The following RBFOX1 variants were observed in gnomAD, a reference collection of about 807,000 sequenced individuals.
RBFOX1 encodes RNA binding protein fox-1 homolog 1.
RBFOX1 carries 8 observed loss-of-function variants against 57.7 expected under a neutral mutation model. The ratio of observed to expected loss-of-function variants is 0.14; its 90% CI spans 0.08 to 0.25. The LOEUF (loss-of-function observed/expected upper bound fraction) is 0.25, where lower values mean the gene tolerates loss of function less well. RBFOX1 is among the 10% of genes least tolerant of loss of function. RBFOX1 has a pLI of 1.00. For synonymous variants in RBFOX1, 326 were observed against 222.4 expected (o/e 1.47, Z -4.15); for missense variants, 611 against 548.5 (o/e 1.11, Z -1.14).
intron 4 of RBFOX1, among the ~76,000 whole-genome samples, chr16:7,471,347 A>C (rs2061519843): frequency 6.6e-6 from 1 of 152,144 alleles, no homozygotes; most frequent in African/African-American, 2.4e-5. Flanking sequence ...TTTGAAGGAA[A>C]ACTGCTGGGC....
At chr16:6,683,368 T>C (rs546232441) in intron 3 of RBFOX1, among the ~76,000 whole-genome samples, 14 of 152,270 alleles carry the variant, frequency 9.2e-5, no homozygotes, top group African/African-American at 3.1e-4. Context: ...GTGTGATTCA[T>C]GGAATTGTGG....
At chr16:7,032,539 G>C (rs1402402375) in intron 3 of RBFOX1, among the ~76,000 whole-genome samples, 1 of 152,100 alleles carries the variant, frequency 6.6e-6, no homozygotes, top group African/African-American at 2.4e-5. Context: ...TTACAGATCA[G>C]CTAAATCTTA....
chr16:5,632,929 C>G (rs954462104), intron 3 of RBFOX1, among the ~76,000 whole-genome samples: 1 of 139,786 alleles, frequency 7.2e-6, no homozygotes, highest in East Asian at 2.0e-4. Context: ...GGCTTGCAAT[C>G]TTAACAACTC....
chr16:6,157,524 G>A (rs1289357531), intron 1 of RBFOX1, among the ~76,000 whole-genome samples: 2 of 152,006 alleles, frequency 1.3e-5, no homozygotes, highest in Non-Finnish European at 2.9e-5. Flanking sequence ...ATTCTGCCAG[G>A]ACTACATGCT....
intron 2 of RBFOX1, among the ~76,000 whole-genome samples, chr16:6,504,231 G>C (rs1428881159): frequency 6.6e-6 from 1 of 152,178 alleles, no homozygotes; most frequent in Non-Finnish European, 1.5e-5. Flanking sequence ...ACGGTGTTCT[G>C]ACAAGTATGT....
rs1182142929 is a variant in RBFOX1 at position 5,387,976 on chromosome 16, A to G, written c.220-79240A>G. Among the ~76,000 whole-genome samples, 3 of 152,208 alleles carry G rather than the reference A, an allele frequency of 2.0e-5. No homozygotes were observed. The East Asian group carries it at 5.8e-4, about 29-fold the overall frequency. ...GGCTTTGAAGGTGGAGGAGGGGACCACAAGCCAAGGAATGCAGGTGGCCTC... is the reference window on the plus strand; with the variant it reads ...GGCTTTGAAGGTGGAGGAGGGGACCGCAAGCCAAGGAATGCAGGTGGCCTC... On this transcript the variant is annotated intron_variant, in intron 1 of 2. Transcript: ENST00000585867.
At chr16:5,396,244 G>A (rs1323228602) in intron 1 of RBFOX1, among the ~76,000 whole-genome samples, 2 of 152,196 alleles carry the variant, frequency 1.3e-5, no homozygotes, top group South Asian at 4.1e-4. Context: ...AGGTATAAAT[G>A]CACGAAAATT....
At chr16:7,258,709 A>G (rs2094797520) in intron 4 of RBFOX1, among the ~76,000 whole-genome samples, 1 of 152,192 alleles carries the variant, frequency 6.6e-6, no homozygotes, top group Non-Finnish European at 1.5e-5. Context: ...CTGTTCTATT[A>G]GAGCCATTTA....
chr16:5,303,984 TG>T (rs1445966506), intron 1 of RBFOX1, among the ~76,000 whole-genome samples: 4 of 152,190 alleles, frequency 2.6e-5, no homozygotes, highest in Middle Eastern at 3.2e-3. Flanking sequence ...CTTTTCTCTA[TG>T]TTTTTTTAAA....
chr16:7,068,084 T>A (rs1246456110), intron 4 of RBFOX1, among the ~76,000 whole-genome samples: 1 of 151,954 alleles, frequency 6.6e-6, no homozygotes, highest in Non-Finnish European at 1.5e-5. Flanking sequence ...CTGGTTTCTC[T>A]CCTGCTTTTA....
intron 4 of RBFOX1, among the ~76,000 whole-genome samples, chr16:7,260,033 A>C (rs1184628784): frequency 3.3e-5 from 5 of 152,162 alleles, no homozygotes; most frequent in African/African-American, 1.2e-4. Flanking sequence ...GTCATTGTTT[A>C]TAAGCTCCAT....
At chr16:6,776,615 A>G (rs1217820744) in intron 3 of RBFOX1, among the ~76,000 whole-genome samples, 1 of 151,982 alleles carries the variant, frequency 6.6e-6, no homozygotes, top group Non-Finnish European at 1.5e-5. Context: ...ATGTGGGGAG[A>G]GTTTTCTTTA....
intron 3 of RBFOX1, among the ~76,000 whole-genome samples, chr16:6,807,550 G>A (rs760026543): frequency 2.6e-5 from 4 of 152,016 alleles, no homozygotes; most frequent in Admixed American, 2.0e-4. Context: ...GAGTGTGGTG[G>A]CTCACACCTG....
chr16:7,580,053 C>G (rs1223746935), intron 6 of RBFOX1, 133 bp downstream of exon 6: 19 of 952,068 alleles, frequency 2.0e-5, no homozygotes, highest in Non-Finnish European at 2.8e-5. Flanking sequence ...AGAGCCTAGT[C>G]TGCAGGTATA....
chr16:5,410,814 A>G (rs553617049), intron 1 of RBFOX1, among the ~76,000 whole-genome samples: 4 of 152,288 alleles, frequency 2.6e-5, no homozygotes, highest in Non-Finnish European at 5.9e-5. Flanking sequence ...TCAAACCCCA[A>G]CTGAAAGTAC....
At chr16:5,625,833 C>T (rs2048333829) in intron 3 of RBFOX1, among the ~76,000 whole-genome samples, 1 of 152,128 alleles carries the variant, frequency 6.6e-6, no homozygotes. Flanking sequence ...ACTGGGATTA[C>T]AGGTGTGAGC....
At chr16:6,788,973 G>C (rs1314094950) in intron 3 of RBFOX1, among the ~76,000 whole-genome samples, 1 of 152,090 alleles carries the variant, frequency 6.6e-6, no homozygotes, top group Admixed American at 6.5e-5. Context: ...CGCACAATGG[G>C]ACATGTGGTT....
At chr16:7,254,303 G>A (rs2094593138) in intron 4 of RBFOX1, among the ~76,000 whole-genome samples, 2 of 152,234 alleles carry the variant, frequency 1.3e-5, no homozygotes, top group South Asian at 2.1e-4. Context: ...TTTGCCTTTA[G>A]CCCTTTTCTT....
intron 4 of RBFOX1, among the ~76,000 whole-genome samples, chr16:7,301,474 G>A (rs1342415176): frequency 2.0e-5 from 3 of 152,308 alleles, no homozygotes; most frequent in South Asian, 2.1e-4. Flanking sequence ...TGTCAGAGCC[G>A]TTATTGCAAG....
Sources: gnomAD v4.1 joint callset for allele counts (sites outside exome capture counted in the v4.1 genomes callset) on GRCh38, gnomAD v4.1.1 for gene constraint, MANE v1.5 for transcripts, NCBI Gene and HGNC (gene_info 2026-07-23, HGNC 2026-07-21) for gene names.